The following MED17 variants were observed in gnomAD, a reference collection of about 807,000 sequenced individuals.
The protein encoded by MED17 is mediator of RNA polymerase II transcription subunit 17.
A neutral mutation model predicts 80.8 loss-of-function variants in MED17; 49 were observed. The ratio of observed to expected loss-of-function variants is 0.61; its 90% confidence interval spans 0.48 to 0.77. The LOEUF is 0.77. Ranked by LOEUF, MED17 falls within the 30% of genes least tolerant of loss-of-function variation. The pLI is 0.00. For synonymous variants in MED17, 281 were observed against 280.4 expected (o/e 1.00, Z -0.02); for missense variants, 718 against 787.0 (o/e 0.91, Z 1.05).
chr11:93,792,516 A>G (rs972248581), intron 3 of MED17, among the ~76,000 whole-genome samples: 2 of 152,198 alleles, frequency 1.3e-5, no homozygotes, highest in Admixed American at 6.5e-5. Flanking sequence ...ATTGTTTTTA[A>G]TTGCAAGAAA....
chr11:93,791,783 CGACAT>C (rs958801368), intron 3 of MED17, among the ~76,000 whole-genome samples: 25 of 152,046 alleles, frequency 1.6e-4, no homozygotes, highest in African/African-American at 5.6e-4. Flanking sequence ...CAAAAAAACT[CGACAT>C]GAAAGGAGGA....
At chr11:93,794,154 A>G in intron 5 of MED17, 119 bp downstream of exon 5, 1 of 801,318 alleles carries the variant, frequency 1.2e-6, no homozygotes, top group South Asian at 1.5e-5. Flanking sequence ...AATTCAAAAT[A>G]TACTTCTAAA....
intron 7 of MED17, 43 bp downstream of exon 7, chr11:93,796,583 C>G: frequency 6.2e-7 from 1 of 1,608,720 alleles, no homozygotes; most frequent in South Asian, 1.1e-5. Context: ...GTGAGTATGT[C>G]CAGGGCAGTG....
At chr11:93,804,879 G>A (rs1451702465) in intron 9 of MED17, among the ~76,000 whole-genome samples, 1 of 152,140 alleles carries the variant, frequency 6.6e-6, no homozygotes, top group Non-Finnish European at 1.5e-5. Flanking sequence ...ATGCAGGTAG[G>A]CTTAATGATC....
At position 93,788,001 on chromosome 11, in the gene MED17, G is replaced by A. The variant is rs1943787579; in HGVS notation, c.251G>A (p.Gly84Glu). 1 of 1,613,186 alleles carries A rather than the reference G, an allele frequency of 6.2e-7. No individual in the cohort carries two copies. The highest frequency in any genetic ancestry group is 1.3e-5 in the African/African-American group (1 of 74,826). ...CTTTTTTTTCTCTCTCTCTTTTTAG[G>A]AGTGGTAAAATTTCAGCCTTCCCTT... ...GSSADQDDEE[G>E]VVKFQPSLWP... is the part of the protein sequence containing the mutation. The change falls in exon 2 of 12, where the codon GGA (glycine) becomes GAA (glutamate). Residue 84 changes from glycine (G) to glutamate (E), a missense_variant and splice_region_variant. Coordinates refer to ENST00000251871, the MANE Select transcript of MED17 (RefSeq NM_004268.5).
intron 9 of MED17, among the ~76,000 whole-genome samples, chr11:93,803,694 AAG>A (rs1168782100): frequency 2.0e-5 from 3 of 152,082 alleles, no homozygotes; most frequent in African/African-American, 7.2e-5. Context: ...CCATAGTAAA[AAG>A]AGAGACTGAG....
intron 8 of MED17, among the ~76,000 whole-genome samples, chr11:93,798,865 G>A (rs138521014): frequency 1.5e-4 from 23 of 152,228 alleles, no homozygotes; most frequent in East Asian, 5.8e-4. Flanking sequence ...TGAGTAGATC[G>A]TTAGTCTTGC....
intron 11 of MED17, 74 bp downstream of exon 11, chr11:93,809,950 A>G: frequency 1.4e-6 from 2 of 1,436,056 alleles, no homozygotes; most frequent in East Asian, 2.3e-5. Context: ...ATAATTAAAT[A>G]TGGGTAAGAG....
At chr11:93,807,442 G>A (rs1944038054) in intron 9 of MED17, 76 bp from the exon 10 acceptor site, 7 of 877,340 alleles carry the variant, frequency 8.0e-6, no homozygotes, top group Non-Finnish European at 1.2e-5. Flanking sequence ...CTAATTTGAT[G>A]TTAACGTTTA....
chr11:93,796,918 G>A (rs921364172), intron 7 of MED17: 11 of 267,790 alleles, frequency 4.1e-5, no homozygotes, highest in Admixed American at 3.4e-4. Context: ...TGTTTACAGG[G>A]AGCTGGTTCA....
At chr11:93,786,477 T>TG (rs1459113720) in intron 1 of MED17, among the ~76,000 whole-genome samples, 1 of 152,030 alleles carries the variant, frequency 6.6e-6, no homozygotes. Flanking sequence ...TGTTTTGTTT[T>TG]TTTTTTTGAG....
In MED17 at chr11:93,794,273, CG is replaced by C. The variant is rs775762126; in HGVS notation, c.859+240del. 1.3e-4 allele frequency: 52 copies of C among 389,482 alleles called. No homozygotes were observed. In the East Asian group the frequency reaches 1.7e-3, roughly 13 times the overall value. 24.1% of individuals were successfully genotyped at this position (389,482 alleles called of 1,614,324 possible). ...AGGCTAGAGTGCAATGGCGCAGTCT[CG>C]GCTCACCGCAACGTCTACCTCCCAG... is the stretch of plus-strand genomic sequence containing the variant. On this transcript the variant is annotated intron_variant, in intron 5 of 11. Transcript: ENST00000251871.
rs1009004769 is a variant in MED17, at chr11:93,813,601, T to G, written c.*1537T>G. 1 of 152,220 alleles carries G rather than the reference T, an allele frequency of 6.6e-6. No homozygotes were observed. The highest frequency in any genetic ancestry group is 2.4e-5 in the African/African-American group (1 of 41,452). 9.4% of individuals were successfully genotyped at this position (152,220 alleles called of 1,614,324 possible). On this transcript the variant is annotated 3_prime_UTR_variant, in exon 12 of 12. Transcript: ENST00000251871. ...ATGACCAGTTTTTGTTTATATAAAC[T>G]TCTCCCATTGCAGATTGATACTTTG...
At chr11:93,805,909 C>T (rs1031517943) in intron 9 of MED17, among the ~76,000 whole-genome samples, 19 of 149,734 alleles carry the variant, frequency 1.3e-4, no homozygotes, top group Middle Eastern at 3.5e-3. Context: ...GGATGCAGTG[C>T]GCTATGATGG....
chr11:93,812,879 A>G lies in MED17; in HGVS notation c.*815A>G, dbSNP rs1944097503. 6.6e-6 allele frequency: 1 copy of G among 152,202 alleles called. No individual in the cohort carries two copies. The highest frequency in any genetic ancestry group is 2.1e-4 in the South Asian group (1 of 4,832). The allele number at this position is 152,202 out of a possible 1,614,324, so 9.4% of individuals were successfully genotyped here. A position where few individuals can be genotyped will look rare whatever the true frequency, so the allele number is the denominator to read the frequency against. ...AGATTATCTCTTTAGGGCGTCCTCA[A>G]GTTTTTTTGGTCTGTTCTCCCACTT... is the stretch of plus-strand genomic sequence containing the variant. On this transcript the variant is annotated 3_prime_UTR_variant, in exon 12 of 12. Coordinates refer to ENST00000251871, the MANE Select transcript of MED17 (RefSeq NM_004268.5).
Position 93,788,170 on chromosome 11 carries a change from A to C in MED17, c.417+3A>C, listed in dbSNP as rs1943789184. ...AGGATGCACTTCCTCCAAAACAGGT[A>C]TTTGTGGACTTTAATTGAATAATAA... On this transcript the variant is annotated splice_donor_region_variant and intron_variant, in intron 2 of 11. Transcript: ENST00000251871. 2 of 1,610,080 alleles carry C rather than the reference A, an allele frequency of 1.2e-6. No individual in the cohort carries two copies. Among genetic ancestry groups the C allele is most frequent in the South Asian group, 2.2e-5 (2 of 90,740 alleles).
chr11:93,798,515 C>G (rs1035492420), intron 8 of MED17, among the ~76,000 whole-genome samples: 1 of 151,530 alleles, frequency 6.6e-6, no homozygotes, highest in Non-Finnish European at 1.5e-5. Context: ...TTTTTTAGTA[C>G]ATTAGTTTGT....
chr11:93,789,080 A>C lies in MED17; in HGVS notation c.417+913A>C, dbSNP rs543124074. 7.2e-5 allele frequency: 11 copies of C among 152,358 alleles called. No individual in the cohort carries two copies. In the South Asian group the frequency reaches 2.3e-3, roughly 32 times the overall value. The allele number at this position is 152,358 out of a possible 1,614,324, so 9.4% of individuals were successfully genotyped here. A position where few individuals can be genotyped will look rare whatever the true frequency, so the allele number is the denominator to read the frequency against. On this transcript the variant is annotated intron_variant, in intron 2 of 11. Coordinates refer to ENST00000251871, the MANE Select transcript of MED17 (RefSeq NM_004268.5). ...GTTGGTGAATAGTCTGAAATCATTG[A>C]GGCTACTTGGGTCCTTAAGGAAAAC...
intron 9 of MED17, among the ~76,000 whole-genome samples, chr11:93,805,262 A>G (rs535306483): frequency 6.6e-6 from 1 of 152,258 alleles, no homozygotes; most frequent in African/African-American, 2.4e-5. Context: ...CTATCCATTT[A>G]TAGGGTAAAG....
Sources: gnomAD v4.1 joint callset for allele counts (sites outside exome capture counted in the v4.1 genomes callset) on GRCh38, gnomAD v4.1.1 for gene constraint, MANE v1.5 for transcripts, NCBI Gene and HGNC (gene_info 2026-07-23, HGNC 2026-07-21) for gene names.